PDE3A: variants seen among roughly 807,000 people sequenced by gnomAD.
PDE3A encodes cGMP-inhibited 3',5'-cyclic phosphodiesterase 3A.
PDE3A carries 43 observed loss-of-function variants against 98.3 expected under a neutral mutation model. The ratio of observed to expected loss-of-function variants is 0.44; its 90% CI spans 0.34 to 0.56. The LOEUF (loss-of-function observed/expected upper bound fraction) is 0.56. Ranked by LOEUF, PDE3A falls within the 20% of genes least tolerant of loss-of-function variation. The probability of loss-of-function intolerance (pLI) is 0.01; values close to 1 mark genes in which losing one functional copy is unlikely to be tolerated. For missense variants in PDE3A, 1,427 were observed against 1,440.7 expected (o/e 0.99, Z 0.15); for synonymous variants, 663 against 567.9 (o/e 1.17, Z -2.38).
chr12:20,445,657 G>A (rs1007236794), intron 1 of PDE3A, among the ~76,000 whole-genome samples: 1 of 152,148 alleles, frequency 6.6e-6, no homozygotes, highest in African/African-American at 2.4e-5. Context: ...CAAGGAACAT[G>A]GGAATATGGC....
Position 20,414,660 on chromosome 12 carries a change from CA to C in PDE3A, c.960+44421del, listed in dbSNP as rs371727486. Among the ~76,000 whole-genome samples the C allele has an allele frequency of 1.7e-3, 263 of 152,202 alleles. 4 individuals carry two copies. Among genetic ancestry groups the C allele is most frequent in the African/African-American group, 6.3e-3 (261 of 41,532 alleles). On this transcript the variant is annotated intron_variant, in intron 1 of 15. Coordinates refer to ENST00000359062, the MANE Select transcript of PDE3A (RefSeq NM_000921.5). Reference sequence around the variant, plus strand: ...TAAAATATGAAACACAGTGCTTGGCCAAAAACAGATAATATTTGCTGAATGA... The same window carrying C: ...TAAAATATGAAACACAGTGCTTGGCCAAAACAGATAATATTTGCTGAATGA...
intron 1 of PDE3A, among the ~76,000 whole-genome samples, chr12:20,385,154 T>C (rs953888369): frequency 1.3e-5 from 2 of 152,014 alleles, no homozygotes; most frequent in African/African-American, 2.4e-5. Context: ...ACCACCAGTG[T>C]AAACGCGTTG....
intron 1 of PDE3A, among the ~76,000 whole-genome samples, chr12:20,520,301 G>A (rs1462900478): frequency 6.6e-6 from 1 of 152,146 alleles, no homozygotes; most frequent in Non-Finnish European, 1.5e-5. Flanking sequence ...TTTTAGGCTG[G>A]CAATGACATC....
rs143808567 is a variant in PDE3A at position 20,573,388 on chromosome 12, G to C, written c.1011+16678G>C. Among the ~76,000 whole-genome samples the C allele has an allele frequency of 1.2e-3, 178 of 152,002 alleles. 1 individual carries two copies. Among genetic ancestry groups the C allele is most frequent in the African/African-American group, 3.7e-3 (154 of 41,500 alleles). ...TGGGAAACAGGACAGATGAACTTTT[G>C]GTTCTCATGAAGCTCGTATTCTAGA... On this transcript the variant is annotated intron_variant, in intron 2 of 15. Coordinates refer to ENST00000359062, the MANE Select transcript of PDE3A (RefSeq NM_000921.5).
intron 14 of PDE3A, among the ~76,000 whole-genome samples, chr12:20,653,477 C>G (rs1001778619): frequency 1.3e-5 from 2 of 151,956 alleles, no homozygotes; most frequent in Non-Finnish European, 1.5e-5. Flanking sequence ...ATTCTCCTGC[C>G]TCAGCCTCCC....
Position 20,621,383 on chromosome 12 carries a change from T to G in PDE3A, c.1512T>G (p.His504Gln). 1.9e-6 allele frequency: 3 copies of G among 1,610,870 alleles called. No individual in the cohort carries two copies. The highest frequency in any genetic ancestry group is 1.1e-5 in the South Asian group (1 of 91,018). Residue 504 changes from histidine (H) to glutamine (Q), a missense_variant, in exon 5 of 16, where the codon CAT becomes CAG. By Grantham distance (24) the His-to-Gln change is conservative. Coordinates refer to ENST00000359062, the MANE Select transcript of PDE3A (RefSeq NM_000921.5). ...CCTATGCTATTTCTGCAGCTAACCA[T>G]GTAAAGGCTAAAAAGCAAAGTCGAC... is the stretch of plus-strand genomic sequence containing the variant. ...TSSYAISAAN[H>Q]VKAKKQSRPG...
At chr12:20,516,912 GA>G (rs1468444807) in intron 1 of PDE3A, among the ~76,000 whole-genome samples, 1 of 152,120 alleles carries the variant, frequency 6.6e-6, no homozygotes, top group African/African-American at 2.4e-5. Context: ...CTAGGATGAG[GA>G]ACTCTTTTCT....
chr12:20,652,564 C>T lies in PDE3A; in HGVS notation c.2926-1383C>T, dbSNP rs1592149499. Among the ~76,000 whole-genome samples the T allele has an allele frequency of 3.3e-5, 5 of 152,090 alleles. No individual in the cohort carries two copies. In the East Asian group the frequency reaches 9.6e-4, roughly 29 times the overall value. ...ATGTGTCTTTTGGCTGCATAAATGT[C>T]TTCTTTTGAGAAGTGTCTGTTCATA... On this transcript the variant is annotated intron_variant, in intron 14 of 15. Coordinates refer to ENST00000359062, the MANE Select transcript of PDE3A (RefSeq NM_000921.5).
intron 1 of PDE3A, among the ~76,000 whole-genome samples, chr12:20,426,803 A>G (rs979774585): frequency 2.6e-5 from 4 of 152,192 alleles, no homozygotes; most frequent in Non-Finnish European, 5.9e-5. Context: ...GAATTCCTGT[A>G]TATGGCCGAA....
intron 12 of PDE3A, among the ~76,000 whole-genome samples, chr12:20,647,707 G>C (rs1381189778): frequency 1.3e-5 from 2 of 151,800 alleles, no homozygotes; most frequent in Non-Finnish European, 2.9e-5. Context: ...CATTTCCACA[G>C]CTCATCTTAT....
chr12:20,616,147 A>T, intron 3 of PDE3A, 83 bp from the exon 4 acceptor site: 2 of 1,260,644 alleles, frequency 1.6e-6, no homozygotes, highest in Non-Finnish European at 2.2e-6. Flanking sequence ...CTTCTAATTA[A>T]AAGCTTGTTT....
chr12:20,589,008 C>T (rs367714409), intron 2 of PDE3A, among the ~76,000 whole-genome samples: 17 of 152,240 alleles, frequency 1.1e-4, no homozygotes, highest in African/African-American at 3.1e-4. Context: ...CTGCAAGCTC[C>T]GCCTCCTGAG....
At chr12:20,435,473 A>G (rs999120301) in intron 1 of PDE3A, among the ~76,000 whole-genome samples, 6 of 152,056 alleles carry the variant, frequency 3.9e-5, no homozygotes, top group Admixed American at 1.3e-4. Flanking sequence ...TTTCCTGGTT[A>G]TACAACTGCT....
intron 1 of PDE3A, among the ~76,000 whole-genome samples, chr12:20,549,945 C>A (rs972293944): frequency 6.6e-6 from 1 of 152,086 alleles, no homozygotes; most frequent in Non-Finnish European, 1.5e-5. Context: ...CCAAATTGAT[C>A]TTATCTTCTG....
Position 20,417,294 on chromosome 12 carries a change from A to C in PDE3A, c.960+47050A>C, listed in dbSNP as rs576008901. 5.9e-5 allele frequency among the ~76,000 whole-genome samples: 9 copies of C among 152,324 alleles called. No homozygotes were observed. In the East Asian group the frequency reaches 1.7e-3, roughly 29 times the overall value. On this transcript the variant is annotated intron_variant, in intron 1 of 15. Transcript: ENST00000359062. ...GTAGAAAAAGGTCATTCGAAGTCTT[A>C]TATTAGAATGATATAATTTCCTTTT...
At chr12:20,414,260 G>A (rs575508681) in intron 1 of PDE3A, among the ~76,000 whole-genome samples, 2 of 152,292 alleles carry the variant, frequency 1.3e-5, no homozygotes, top group Non-Finnish European at 2.9e-5. Context: ...TTGGGAGCTT[G>A]TAGAAAAAGA....
intron 1 of PDE3A, among the ~76,000 whole-genome samples, chr12:20,392,583 C>A (rs903139903): frequency 4.6e-5 from 7 of 151,582 alleles, no homozygotes; most frequent in Non-Finnish European, 8.8e-5. Context: ...TTATGGAAAA[C>A]AGTATGGAGG....
intron 1 of PDE3A, chr12:20,449,901 TG>T: frequency 1.3e-6 from 1 of 783,350 alleles, no homozygotes; most frequent in South Asian, 2.4e-5. Flanking sequence ...TGCTCTTCGG[TG>T]GTTTGAATGG....
chr12:20,654,075 A>C lies in PDE3A; in HGVS notation c.3054A>C (p.Ser1018=). 6.2e-7 allele frequency: 1 copy of C among 1,614,168 alleles called. No individual in the cohort carries two copies. Among genetic ancestry groups the C allele is most frequent in the Non-Finnish European group, 8.5e-7 (1 of 1,180,026 alleles). ...IVGPLCNSYD[S]AGLMPGKWVE... ...GGCCTCTGTGCAACTCCTATGATTC[A>C]GCAGGACTAATGCCTGGAAAATGGG... is the stretch of plus-strand genomic sequence containing the variant. Residue 1018 remains serine, a synonymous_variant, in exon 15 of 16, where the codon TCA becomes TCC. Coordinates refer to ENST00000359062, the MANE Select transcript of PDE3A (RefSeq NM_000921.5).
Sources: gnomAD v4.1 joint callset for allele counts (sites outside exome capture counted in the v4.1 genomes callset) on GRCh38, gnomAD v4.1.1 for gene constraint, MANE v1.5 for transcripts, NCBI Gene and HGNC (gene_info 2026-07-23, HGNC 2026-07-21) for gene names.